Variants in TP63 observed in about 807,000 individuals in gnomAD.
TP63 encodes the protein tumor protein p63.
A neutral mutation model predicts 82.8 loss-of-function variants in TP63; 17 were observed. The ratio of observed to expected loss-of-function variants is 0.21; its 90% CI spans 0.14 to 0.31. The LOEUF (loss-of-function observed/expected upper bound fraction) is 0.31, where lower values mean the gene tolerates loss of function less well. Ranked by LOEUF, TP63 falls within the 10% of genes least tolerant of loss-of-function variation. TP63 has a pLI of 1.00. For synonymous variants in TP63, 330 were observed against 321.7 expected (o/e 1.03, Z -0.28); for missense variants, 648 against 895.3 (o/e 0.72, Z 3.52).
At chr3:189,786,559 A>G (rs1420045822) in intron 3 of TP63, among the ~76,000 whole-genome samples, 1 of 151,984 alleles carries the variant, frequency 6.6e-6, no homozygotes, top group African/African-American at 2.4e-5. Flanking sequence ...GTTAAAAAAG[A>G]TAGTCAACAA....
chr3:189,663,518 A>ATTTT (rs1553807497), intron 1 of TP63, among the ~76,000 whole-genome samples: 10 of 85,432 alleles, frequency 1.2e-4, no homozygotes, highest in Non-Finnish European at 1.8e-4. Context: ...TATTTCATTC[A>ATTTT]TTCTTTTTTT....
intron 1 of TP63, among the ~76,000 whole-genome samples, chr3:189,640,426 A>G (rs1486459747): frequency 3.9e-5 from 6 of 152,164 alleles, no homozygotes; most frequent in Non-Finnish European, 7.4e-5. Flanking sequence ...GTAATTGAGA[A>G]TTCTGCAACA....
chr3:189,861,717 G>T (rs527820120), intron 4 of TP63, among the ~76,000 whole-genome samples: 3 of 152,166 alleles, frequency 2.0e-5, no homozygotes, highest in African/African-American at 7.2e-5. Context: ...GAGAAGAGTC[G>T]GTAAGCATTG....
chr3:189,717,410 A>C (rs13095039), intron 1 of TP63, among the ~76,000 whole-genome samples: 40,553 of 152,004 alleles, frequency 0.27, 5,678 homozygotes, highest in South Asian at 0.34. Context: ...TTTGACAAAC[A>C]CAATAACTTT....
At chr3:189,732,503 T>G (rs1473420538) in intron 1 of TP63, among the ~76,000 whole-genome samples, 1 of 152,226 alleles carries the variant, frequency 6.6e-6, no homozygotes, top group Non-Finnish European at 1.5e-5. Flanking sequence ...CTAATCAGTT[T>G]AATTCAGCAA....
rs369453583 is a variant in TP63 at position 189,886,444 on chromosome 3, A to G, written c.1400A>G (p.Asn467Ser). The change falls in exon 11 of 14, where the codon AAC (asparagine) becomes AGC (serine). Residue 467 changes from asparagine to serine, a missense_variant. Coordinates refer to ENST00000264731, the MANE Select transcript of TP63 (RefSeq NM_003722.5). Reference sequence around the variant, plus strand: ...TATGGTAACAGCTCCCCACCTCTGAACAAAATGAACAGCATGAACAAGCTG... The same window carrying G: ...TATGGTAACAGCTCCCCACCTCTGAGCAAAATGAACAGCATGAACAAGCTG... ...SSYGNSSPPLNKMNSMNKLPS... is the reference protein window; with the variant it reads ...SSYGNSSPPLSKMNSMNKLPS... 2.9e-5 allele frequency: 47 copies of G among 1,614,012 alleles called. No individual in the cohort carries two copies. Among genetic ancestry groups the G allele is most frequent in the Non-Finnish European group, 3.6e-5 (42 of 1,180,024 alleles).
chr3:189,746,885 G>GA (rs1452273386), intron 3 of TP63, among the ~76,000 whole-genome samples: 1 of 144,852 alleles, frequency 6.9e-6, no homozygotes, highest in Admixed American at 7.0e-5. Flanking sequence ...AAAGATGGAA[G>GA]AAAAAATGGA....
At chr3:189,786,446 A>AACAC (rs59747587) in intron 3 of TP63, among the ~76,000 whole-genome samples, 1,739 of 147,086 alleles carry the variant, frequency 0.012, 34 homozygotes, top group African/African-American at 0.033. Flanking sequence ...GACATACCTA[A>AACAC]ACACACACAC....
intron 1 of TP63, among the ~76,000 whole-genome samples, chr3:189,639,493 G>C (rs1257779020): frequency 6.6e-6 from 1 of 152,086 alleles, no homozygotes; most frequent in Non-Finnish European, 1.5e-5. Context: ...TTGAAGTTCA[G>C]AATGAATTCA....
intron 1 of TP63, among the ~76,000 whole-genome samples, chr3:189,708,883 T>C (rs4687087): frequency 0.72 from 109,359 of 152,138 alleles, 40,116 homozygotes; most frequent in African/African-American, 0.87. Context: ...CTCAGAGACA[T>C]TGCTGGAACA....
rs761624304 is a variant in TP63, at chr3:189,894,444, A to G, written c.1985A>G (p.Asn662Ser). The G allele has an allele frequency of 1.9e-6, 3 of 1,614,068 alleles. No homozygotes were observed. The highest frequency in any genetic ancestry group is 4.5e-5 in the East Asian group (2 of 44,864). The change falls in exon 14 of 14, where the codon AAC becomes AGC. Residue 662 changes from asparagine (N) to serine (S), a missense_variant. Transcript: ENST00000264731. ...FPPRDEWNDF[N>S]FDMDARRNKQ... Reference sequence around the variant, plus strand: ...CCCCGAGATGAGTGGAATGACTTCAACTTTGACATGGATGCTCGCCGCAAT... The same window carrying G: ...CCCCGAGATGAGTGGAATGACTTCAGCTTTGACATGGATGCTCGCCGCAAT...
chr3:189,603,037 T>C, the TP63 span, among the ~76,000 whole-genome samples: 1 of 152,212 alleles, frequency 6.6e-6, no homozygotes, highest in African/African-American at 2.4e-5. Flanking sequence ...TGCACTGCTA[T>C]ATAAACTCTG....
At chr3:189,741,337 C>T (rs185470549) in intron 3 of TP63, among the ~76,000 whole-genome samples, 124 of 152,130 alleles carry the variant, frequency 8.2e-4, no homozygotes, top group Admixed American at 2.6e-3. Flanking sequence ...AGTTGGATAA[C>T]AAGAATGGAA....
intron 4 of TP63, among the ~76,000 whole-genome samples, chr3:189,836,364 T>C (rs1713153361): frequency 1.3e-5 from 2 of 152,124 alleles, no homozygotes; most frequent in Admixed American, 1.3e-4. Flanking sequence ...CCTAAGAAAA[T>C]GGAATGCTAC....
intron 1 of TP63, among the ~76,000 whole-genome samples, chr3:189,691,568 T>C (rs535342899): frequency 1.4e-4 from 21 of 152,232 alleles, no homozygotes; most frequent in African/African-American, 4.8e-4. Flanking sequence ...CAACCACATA[T>C]GTCTCAAGAT....
At chr3:189,880,378 G>T in intron 10 of TP63, 1 of 1,205,646 alleles carries the variant, frequency 8.3e-7, no homozygotes, top group Non-Finnish European at 1.0e-6. Flanking sequence ...TTACAAGAAA[G>T]GATGTTTTCT....
chr3:189,605,057 T>C, the TP63 span, among the ~76,000 whole-genome samples: 1 of 152,218 alleles, frequency 6.6e-6, no homozygotes, highest in African/African-American at 2.4e-5. Flanking sequence ...CAGAGCTCTC[T>C]TGTGGCTTGG....
chr3:189,671,307 G>A (rs559190479), intron 1 of TP63, among the ~76,000 whole-genome samples: 359 of 152,120 alleles, frequency 2.4e-3, no homozygotes, highest in African/African-American at 6.6e-3. Context: ...CTAATCATCA[G>A]GGAAATGCAA....
chr3:189,695,826 C>T (rs1717334843), intron 1 of TP63, among the ~76,000 whole-genome samples: 5 of 152,046 alleles, frequency 3.3e-5, no homozygotes, highest in African/African-American at 1.2e-4. Flanking sequence ...TAAAATGTAG[C>T]CTGTGGAAAA....
Sources: allele counts gnomAD v4.1 joint callset (sites outside exome capture counted in the v4.1 genomes callset), GRCh38; gene constraint gnomAD v4.1.1; transcripts MANE v1.5; gene names NCBI Gene and HGNC (gene_info 2026-07-23, HGNC 2026-07-21).